IMMP2L: variants seen among roughly 807,000 people sequenced by gnomAD.
The protein encoded by IMMP2L is inner mitochondrial membrane peptidase subunit 2.
In IMMP2L, 18 loss-of-function variants were observed where a neutral mutation model predicts 19.3. That is an observed-to-expected ratio of 0.93 (90% CI 0.64 to 1.38). The LOEUF is 1.38. Ranked by LOEUF, IMMP2L falls within the 40% of genes most tolerant of loss-of-function variation. The probability of loss-of-function intolerance (pLI) is 0.00; values close to 1 mark genes in which losing one functional copy is unlikely to be tolerated. For missense variants in IMMP2L, 233 were observed against 218.2 expected, an observed-to-expected ratio of 1.07 and a Z score of -0.43; for synonymous variants, 76 against 73.0, an observed-to-expected ratio of 1.04 and a Z score of -0.21.
At chr7:111,529,986 T>C (rs1464729285) in intron 1 of IMMP2L, among the ~76,000 whole-genome samples, 1 of 152,188 alleles carries the variant, frequency 6.6e-6, no homozygotes, top group Non-Finnish European at 1.5e-5. Flanking sequence ...CATGCATTTA[T>C]GCACACCCTT....
intron 3 of IMMP2L, among the ~76,000 whole-genome samples, chr7:111,066,264 A>G (rs1794489995): frequency 1.3e-5 from 2 of 152,140 alleles, no homozygotes; most frequent in Admixed American, 1.3e-4. Context: ...TACAGGTGTG[A>G]GCCACTGTGC....
intron 3 of IMMP2L, among the ~76,000 whole-genome samples, chr7:111,078,665 C>G (rs943904475): frequency 1.3e-5 from 2 of 151,994 alleles, no homozygotes; most frequent in African/African-American, 2.4e-5. Context: ...TTCCCCATTT[C>G]TTTATCCTTT....
intron 3 of IMMP2L, among the ~76,000 whole-genome samples, chr7:111,151,359 A>G (rs547521061): frequency 5.9e-5 from 9 of 152,192 alleles, no homozygotes; most frequent in Non-Finnish European, 1.0e-4. Flanking sequence ...ATGAAAATAC[A>G]GGGATATAAT....
intron 3 of IMMP2L, among the ~76,000 whole-genome samples, chr7:111,282,075 C>T (rs971413540): frequency 3.9e-5 from 6 of 152,112 alleles, no homozygotes; most frequent in Non-Finnish European, 5.9e-5. Context: ...ATATTTCAAG[C>T]ATTGTGCTAG....
chr7:110,825,625 G>C (rs779071374), intron 5 of IMMP2L, among the ~76,000 whole-genome samples: 2 of 152,122 alleles, frequency 1.3e-5, no homozygotes, highest in African/African-American at 4.8e-5. Context: ...AGGAAAACTG[G>C]CTAGTCATAT....
intron 3 of IMMP2L, among the ~76,000 whole-genome samples, chr7:111,074,516 G>A (rs1462834175): frequency 6.6e-6 from 1 of 152,078 alleles, no homozygotes; most frequent in Admixed American, 6.6e-5. Context: ...CTCATTTTTG[G>A]ACATATTTCT....
intron 3 of IMMP2L, among the ~76,000 whole-genome samples, chr7:111,407,575 C>G (rs890259940): frequency 6.6e-6 from 1 of 151,944 alleles, no homozygotes. Context: ...TTGTGTGATT[C>G]TTTTTAAATG....
At chr7:111,106,131 C>T (rs1798525657) in intron 3 of IMMP2L, among the ~76,000 whole-genome samples, 1 of 151,930 alleles carries the variant, frequency 6.6e-6, no homozygotes, top group Non-Finnish European at 1.5e-5. Flanking sequence ...CATTGGTGCA[C>T]ATTGGAGCAG....
chr7:111,138,109 G>A (rs1356991356), intron 3 of IMMP2L, among the ~76,000 whole-genome samples: 5 of 152,126 alleles, frequency 3.3e-5, no homozygotes, highest in Admixed American at 3.3e-4. Context: ...GGGATTACAG[G>A]CCTGAGCCAC....
At chr7:110,749,726 T>C (rs887323403) in intron 5 of IMMP2L, among the ~76,000 whole-genome samples, 1 of 151,940 alleles carries the variant, frequency 6.6e-6, no homozygotes, top group African/African-American at 2.4e-5. Flanking sequence ...GATGGGAACA[T>C]CACACACTAG....
rs536900392 is a variant in IMMP2L, at chr7:111,118,456, A to T, written c.240-154891T>A. 2.8e-4 allele frequency among the ~76,000 whole-genome samples: 42 copies of T among 152,218 alleles called. No individual in the cohort carries two copies. The East Asian group carries it at 6.9e-3, about 25-fold the overall frequency. ...GGAATTGGATATATAAGATATGAGA[A>T]TTCTTACAATTGTTTGATTTTAACG... On this transcript the variant is annotated intron_variant, in intron 3 of 5. Coordinates refer to ENST00000405709, the MANE Select transcript of IMMP2L (RefSeq NM_032549.4).
intron 5 of IMMP2L, among the ~76,000 whole-genome samples, chr7:110,774,751 G>A (rs1464979722): frequency 6.6e-6 from 1 of 151,960 alleles, no homozygotes; most frequent in African/African-American, 2.4e-5. Context: ...GTATAGCCTA[G>A]GTGTATAGTA....
chr7:111,003,653 A>G (rs1188396714), intron 3 of IMMP2L, among the ~76,000 whole-genome samples: 1 of 151,988 alleles, frequency 6.6e-6, no homozygotes, highest in African/African-American at 2.4e-5. Flanking sequence ...CTGGGACTAC[A>G]GTTGGGTGTC....
rs141895128 is a variant in IMMP2L at position 111,454,463 on chromosome 7, T to C, written c.239+32775A>G. The stretch of plus-strand genomic sequence containing the variant: ...CTCCATATTTAAGCGATTAACCCCA[T>C]TAAAAAATGGGAAACTATTCATTCT... On this transcript the variant is annotated intron_variant, in intron 3 of 5. Coordinates refer to ENST00000405709, the MANE Select transcript of IMMP2L (RefSeq NM_032549.4). Among the ~76,000 whole-genome samples the C allele has an allele frequency of 9.2e-3, 1,398 of 152,140 alleles. 26 individuals are homozygous for C. The highest frequency in any genetic ancestry group is 0.032 in the African/African-American group (1,339 of 41,532).
rs775106750 is a variant in IMMP2L, at chr7:111,303,029, T to C, written c.239+184209A>G. ...TGCCATCTTGCCTCCATCCTTGAAA[T>C]TTTAGAAAGCAAAATATGGCCTCAT... On this transcript the variant is annotated intron_variant, in intron 3 of 5. Transcript: ENST00000405709. 3.7e-4 allele frequency among the ~76,000 whole-genome samples: 56 copies of C among 152,100 alleles called. 1 individual carries two copies. The highest frequency in any genetic ancestry group is 1.0e-3 in the South Asian group (5 of 4,826).
At position 111,421,156 on chromosome 7, in the gene IMMP2L, C is replaced by G. The variant is rs558411570; in HGVS notation, c.239+66082G>C. Among the ~76,000 whole-genome samples, 190 of 151,792 alleles carry G rather than the reference C, an allele frequency of 1.3e-3. 1 individual carries two copies. Among genetic ancestry groups the G allele is most frequent in the Non-Finnish European group, 2.4e-3 (165 of 67,996 alleles). The stretch of plus-strand genomic sequence containing the variant: ...TTTTGATTTGCATTTCTCTGATGAC[C>G]AGTGATGATGACCATTTTTTCATGT... On this transcript the variant is annotated intron_variant, in intron 3 of 5. Transcript: ENST00000405709.
chr7:111,392,047 A>G (rs1388063913), intron 3 of IMMP2L: 1 of 699,400 alleles, frequency 1.4e-6, no homozygotes, highest in Admixed American at 2.0e-5. Flanking sequence ...CTTCATTACC[A>G]GCTTGATTGC....
At chr7:110,707,017 T>TTA (rs1554399165) in intron 5 of IMMP2L, among the ~76,000 whole-genome samples, 5 of 137,576 alleles carry the variant, frequency 3.6e-5, no homozygotes, top group Non-Finnish European at 7.9e-5. Context: ...TTTTTTTTTT[T>TTA]ATTATACTCT....
intron 4 of IMMP2L, among the ~76,000 whole-genome samples, chr7:110,889,677 T>C (rs937302813): frequency 5.9e-5 from 9 of 152,138 alleles, no homozygotes; most frequent in African/African-American, 2.2e-4. Context: ...CGAAGGTTAG[T>C]AGTTGGATGA....
Sources: gnomAD v4.1 joint callset for allele counts (sites outside exome capture counted in the v4.1 genomes callset) on GRCh38, gnomAD v4.1.1 for gene constraint, MANE v1.5 for transcripts, NCBI Gene and HGNC (gene_info 2026-07-23, HGNC 2026-07-21) for gene names.